Variants in GPC5 observed in about 807,000 individuals in gnomAD.
GPC5 encodes glypican-5.
A neutral mutation model predicts 53.9 loss-of-function variants in GPC5; 47 were observed. The observed-to-expected ratio is 0.87, with a 90% CI of 0.69 to 1.11. The LOEUF (loss-of-function observed/expected upper bound fraction) is 1.11, where lower values mean the gene tolerates loss of function less well. Ranked by LOEUF, GPC5 falls within the 50% of genes most tolerant of loss-of-function variation. The probability of loss-of-function intolerance (pLI) is 0.00; values close to 1 mark genes in which losing one functional copy is unlikely to be tolerated. For missense variants in GPC5, 748 were observed against 713.1 expected (o/e 1.05, Z -0.56); for synonymous variants, 286 against 263.3 (o/e 1.09, Z -0.84).
intron 7 of GPC5, among the ~76,000 whole-genome samples, chr13:92,610,968 A>ATTTT (rs35225757): frequency 7.1e-6 from 1 of 140,116 alleles, no homozygotes; most frequent in African/African-American, 2.6e-5. Context: ...CTCAATACAT[A>ATTTT]TTTTTTTTTT....
chr13:92,722,205 A>G (rs899480006), intron 7 of GPC5, among the ~76,000 whole-genome samples: 5 of 152,000 alleles, frequency 3.3e-5, no homozygotes, highest in African/African-American at 1.2e-4. Flanking sequence ...AAAAGGAAAA[A>G]CAAATATGAT....
At chr13:92,395,054 T>C (rs901929716) in intron 7 of GPC5, among the ~76,000 whole-genome samples, 1 of 152,166 alleles carries the variant, frequency 6.6e-6, no homozygotes, top group East Asian at 1.9e-4. Flanking sequence ...TTGGGCCTTT[T>C]AAAAATTTAC....
At position 92,082,277 on chromosome 13, in the gene GPC5, T is replaced by A. The variant is rs2138882483; in HGVS notation, c.1402-62553T>A. ...ACAAAATGGATTTCATATGACTATTTGTTGTACTGTTCTTTTATTAAAAGA... is the reference window on the plus strand; with the variant it reads ...ACAAAATGGATTTCATATGACTATTAGTTGTACTGTTCTTTTATTAAAAGA... On this transcript the variant is annotated intron_variant, in intron 6 of 7. Coordinates refer to ENST00000377067, the MANE Select transcript of GPC5 (RefSeq NM_004466.6). 1.3e-5 allele frequency among the ~76,000 whole-genome samples: 2 copies of A among 152,296 alleles called. 1 individual carries two copies.
chr13:92,248,466 C>T (rs977521748), intron 7 of GPC5, among the ~76,000 whole-genome samples: 3 of 152,110 alleles, frequency 2.0e-5, no homozygotes, highest in Admixed American at 6.6e-5. Flanking sequence ...ACAGCATAAC[C>T]TTCAGCAAGT....
intron 7 of GPC5, among the ~76,000 whole-genome samples, chr13:92,222,622 C>T (rs991879826): frequency 3.3e-5 from 5 of 151,992 alleles, no homozygotes; most frequent in African/African-American, 1.2e-4. Flanking sequence ...TTTGTGTCTC[C>T]ACCTTTGTTT....
chr13:91,466,141 A>G (rs1460741121), intron 2 of GPC5, among the ~76,000 whole-genome samples: 1 of 152,194 alleles, frequency 6.6e-6, no homozygotes, highest in African/African-American at 2.4e-5. Context: ...GAACTCAAAC[A>G]TCCCATAGAG....
chr13:91,775,632 C>T (rs891526226), intron 5 of GPC5, among the ~76,000 whole-genome samples: 1 of 152,164 alleles, frequency 6.6e-6, no homozygotes, highest in Non-Finnish European at 1.5e-5. Flanking sequence ...GTTTTCTCTT[C>T]CCAGTCTTTC....
chr13:92,248,220 T>G (rs1594035321), intron 7 of GPC5, among the ~76,000 whole-genome samples: 1 of 151,622 alleles, frequency 6.6e-6, no homozygotes, highest in South Asian at 2.1e-4. Flanking sequence ...AAAAAACAGA[T>G]TTTTAGCCCC....
intron 7 of GPC5, among the ~76,000 whole-genome samples, chr13:92,318,010 G>A (rs2043191221): frequency 6.6e-6 from 1 of 152,182 alleles, no homozygotes; most frequent in Non-Finnish European, 1.5e-5. Context: ...CTATCAGAAA[G>A]TTACTACTGA....
At chr13:92,037,156 C>T (rs1051063699) in intron 6 of GPC5, among the ~76,000 whole-genome samples, 1 of 152,014 alleles carries the variant, frequency 6.6e-6, no homozygotes, top group Non-Finnish European at 1.5e-5. Flanking sequence ...CTGACTTTGT[C>T]TTCTACCTTT....
At chr13:91,610,779 T>C (rs1307874373) in intron 2 of GPC5, among the ~76,000 whole-genome samples, 2 of 152,224 alleles carry the variant, frequency 1.3e-5, no homozygotes, top group East Asian at 1.9e-4. Context: ...CTTTTAAGTA[T>C]TTCTGTCTTT....
intron 5 of GPC5, among the ~76,000 whole-genome samples, chr13:91,803,208 G>A (rs1419267948): frequency 1.3e-5 from 2 of 152,086 alleles, no homozygotes; most frequent in Non-Finnish European, 2.9e-5. Flanking sequence ...GTATTGAGAT[G>A]TTAATTTAAA....
intron 2 of GPC5, among the ~76,000 whole-genome samples, chr13:91,555,263 A>T (rs1307173561): frequency 6.6e-6 from 1 of 152,030 alleles, no homozygotes; most frequent in Admixed American, 6.6e-5. Flanking sequence ...CGTATGCAAA[A>T]ACATGATAGC....
chr13:91,795,329 C>T (rs1410663609), intron 5 of GPC5, among the ~76,000 whole-genome samples: 1 of 152,120 alleles, frequency 6.6e-6, no homozygotes, highest in African/African-American at 2.4e-5. Context: ...AGTGAAATCG[C>T]ATTAAAGGAT....
At chr13:92,243,732 A>G (rs1009114708) in intron 7 of GPC5, among the ~76,000 whole-genome samples, 58 of 152,246 alleles carry the variant, frequency 3.8e-4, no homozygotes, top group African/African-American at 1.1e-3. Flanking sequence ...AAAATTCAAG[A>G]GCCTGGAATT....
intron 7 of GPC5, among the ~76,000 whole-genome samples, chr13:92,174,733 A>C (rs1053079552): frequency 6.6e-5 from 10 of 151,962 alleles, no homozygotes; most frequent in African/African-American, 2.4e-4. Context: ...CTATTCCTCA[A>C]GGTTAAAATA....
At chr13:92,673,086 A>G (rs902946345) in intron 7 of GPC5, among the ~76,000 whole-genome samples, 1 of 152,044 alleles carries the variant, frequency 6.6e-6, no homozygotes, top group Non-Finnish European at 1.5e-5. Flanking sequence ...TAGCTCAATA[A>G]GTTTTATATT....
intron 4 of GPC5, among the ~76,000 whole-genome samples, chr13:91,756,075 GAAA>G (rs34332161): frequency 0.4 from 56,079 of 140,704 alleles, 11,139 homozygotes; most frequent in East Asian, 0.64. Flanking sequence ...CTTTTTTTTT[GAAA>G]AAAAAAAAAA....
chr13:92,456,800 T>A (rs567650257), intron 7 of GPC5, among the ~76,000 whole-genome samples: 2 of 152,316 alleles, frequency 1.3e-5, no homozygotes, highest in East Asian at 3.9e-4. Context: ...TCAGGGTTTT[T>A]CAATCTCAGC....
Sources: gnomAD v4.1 joint callset for allele counts (sites outside exome capture counted in the v4.1 genomes callset) on GRCh38, gnomAD v4.1.1 for gene constraint, MANE v1.5 for transcripts, NCBI Gene and HGNC (gene_info 2026-07-23, HGNC 2026-07-21) for gene names.